ARHGAP27: variants seen among roughly 807,000 people sequenced by gnomAD.
ARHGAP27 encodes the protein Rho GTPase activating protein 27.
In ARHGAP27, 53 loss-of-function variants were observed where a neutral mutation model predicts 102.0. The observed-to-expected ratio is 0.52, with a 90% confidence interval of 0.42 to 0.65. ARHGAP27 has a LOEUF of 0.65. Among genes scored for constraint, ARHGAP27 ranks in the 30% least tolerant of loss-of-function variants. The pLI, the probability that ARHGAP27 is intolerant of heterozygous loss-of-function variation, is 0.00. For missense variants in ARHGAP27, 1,117 were observed against 1,256.2 expected, an observed-to-expected ratio of 0.89 and a Z score of 1.68; for synonymous variants, 525 against 542.8, an observed-to-expected ratio of 0.97 and a Z score of 0.46.
chr17:45,402,738 T>C lies in ARHGAP27; in HGVS notation c.1719A>G (p.Lys573=). The C allele has an allele frequency of 6.2e-7, 1 of 1,613,046 alleles. No individual in the cohort carries two copies. The highest frequency in any genetic ancestry group is 8.5e-7 in the Non-Finnish European group (1 of 1,179,198). The change falls in exon 12 of 20, where the codon AAA becomes AAG. Residue 573 remains lysine, a synonymous_variant. Transcript: ENST00000685559. The part of the protein sequence containing the change: ...GATLSWAPKD[K]SSRKNVLELR... ...CCTCCAGCACATTCTTCCTACTGGA[T>C]TTGTCTTTGGGGGCCCAGGAGAGAG...
At chr17:45,425,750 C>T (rs2049535774) in intron 4 of ARHGAP27, 4 of 558,610 alleles carry the variant, frequency 7.2e-6, no homozygotes, top group Non-Finnish European at 9.1e-6. Flanking sequence ...CTGCCTGGGC[C>T]TTCCCACCTC....
chr17:45,430,101 G>C lies in ARHGAP27; in HGVS notation c.179C>G (p.Pro60Arg). 6.6e-7 allele frequency: 1 copy of C among 1,512,260 alleles called. No individual in the cohort carries two copies. Among genetic ancestry groups the C allele is most frequent in the Non-Finnish European group, 8.8e-7 (1 of 1,137,612 alleles). 93.7% of individuals were successfully genotyped at this position (1,512,260 alleles called of 1,614,324 possible). A position where few individuals can be genotyped will look rare whatever the true frequency, so the allele number is the denominator to read the frequency against. ...GGGCAGCTCGCGCACGTACTGCGCA[G>C]GCAGGTAGAAGGGGCGGCCGCCGGG... ...REPGGRPFYL[P>R]AQYVRELPAL... Residue 60 changes from proline (P) to arginine (R), a missense_variant, in exon 4 of 20, where the codon CCT (proline) becomes CGT (arginine). Physicochemically the swap from Pro to Arg is moderately radical, Grantham distance 103. Coordinates refer to ENST00000685559, the MANE Select transcript of ARHGAP27 (RefSeq NM_001282290.2). The surrounding 1 kb of genome is among the most constrained non-coding windows in gnomAD (Gnocchi z 4.4).
chr17:45,409,306 G>C (rs193222486), intron 4 of ARHGAP27: 1 of 152,312 alleles, frequency 6.6e-6, no homozygotes, highest in African/African-American at 2.4e-5. Flanking sequence ...CTGGGTCCAC[G>C]AGGAGTCCCA....
chr17:45,406,023 G>A lies in ARHGAP27; in HGVS notation c.718C>T (p.Pro240Ser), dbSNP rs2047122698. The A allele has an allele frequency of 6.5e-7, 1 of 1,534,748 alleles. No individual in the cohort carries two copies. Among genetic ancestry groups the A allele is most frequent in the Admixed American group, 2.0e-5 (1 of 50,918 alleles). Residue 240 changes from proline (P) to serine (S), a missense_variant, in exon 5 of 20, where the codon CCG (proline) becomes TCG (serine). By Grantham distance (74) the Pro-to-Ser change is moderately conservative. Coordinates refer to ENST00000685559, the MANE Select transcript of ARHGAP27 (RefSeq NM_001282290.2). ...NIERQPRATS[P>S]GAAAAPLPSP... ...GGAAGGGGGGCTGCAGCGGCGCCCG[G>A]TGAAGTGGCCCGGGGCTGCCTCTCT...
intron 4 of ARHGAP27, among the ~76,000 whole-genome samples, chr17:45,411,752 T>C (rs1162745856): frequency 6.6e-6 from 1 of 151,988 alleles, no homozygotes; most frequent in Non-Finnish European, 1.5e-5. Context: ...ATCACACACC[T>C]GACCCATCTC....
chr17:45,404,773 G>C (rs1019721458), intron 6 of ARHGAP27, 92 bp from the exon 7 acceptor site: 2 of 1,501,638 alleles, frequency 1.3e-6, no homozygotes, highest in Non-Finnish European at 1.8e-6. Flanking sequence ...CAGCACCAGG[G>C]AGTCTGGAGG....
At chr17:45,412,484 G>A (rs2048024170) in intron 4 of ARHGAP27, among the ~76,000 whole-genome samples, 1 of 152,182 alleles carries the variant, frequency 6.6e-6, no homozygotes, top group Non-Finnish European at 1.5e-5. Flanking sequence ...CAGTCCTCTG[G>A]GGCTAGAGGC....
Position 45,396,918 on chromosome 17 carries a change from G to C in ARHGAP27, c.1949C>G (p.Ala650Gly). The C allele has an allele frequency of 6.2e-7, 1 of 1,606,448 alleles. No homozygotes were observed. Among genetic ancestry groups the C allele is most frequent in the South Asian group, 1.1e-5 (1 of 91,078 alleles). Residue 650 changes from alanine to glycine, a missense_variant and splice_region_variant, in exon 14 of 20, where the codon GCA becomes GGA. Ala to Gly is a moderately conservative substitution (Grantham distance 60). Coordinates refer to ENST00000685559, the MANE Select transcript of ARHGAP27 (RefSeq NM_001282290.2). ...QEKEEDARPN[A>G]AAPALGPVGL... ...ACCCCATCCTGCCTTGCGCACACCT[G>C]CATTCGGTCGCGCGTCCTCCTCTTT...
intron 13 of ARHGAP27, chr17:45,397,458 C>T: frequency 3.3e-6 from 1 of 302,302 alleles, no homozygotes; most frequent in Non-Finnish European, 5.3e-6. Context: ...TCTATTAATA[C>T]AGCCAAAAGC....
intron 4 of ARHGAP27, chr17:45,425,732 A>T: frequency 1.3e-6 from 1 of 761,154 alleles, no homozygotes; most frequent in Non-Finnish European, 1.6e-6. Context: ...GCTCCAGGCC[A>T]GCTCCACCTG....
At chr17:45,426,036 G>A (rs879898633) in intron 4 of ARHGAP27, among the ~76,000 whole-genome samples, 3 of 152,132 alleles carry the variant, frequency 2.0e-5, no homozygotes, top group Non-Finnish European at 4.4e-5. Context: ...CACGCAGGAC[G>A]CTCAGAAGAA....
At chr17:45,404,410 T>A (rs1450587913) in intron 8 of ARHGAP27, 35 bp downstream of exon 8, 1 of 1,613,678 alleles carries the variant, frequency 6.2e-7, no homozygotes, top group Non-Finnish European at 8.5e-7. Context: ...GCTTCTGTGG[T>A]GGTCCTGCCA....
At chr17:45,420,498 A>G (rs2048920490) in intron 4 of ARHGAP27, among the ~76,000 whole-genome samples, 1 of 152,162 alleles carries the variant, frequency 6.6e-6, no homozygotes, top group African/African-American at 2.4e-5. Flanking sequence ...TGACATTTTT[A>G]CTATAGACTT....
intron 16 of ARHGAP27, 81 bp from the exon 17 acceptor site, chr17:45,396,365 C>T (rs2045662816): frequency 1.4e-6 from 2 of 1,480,302 alleles, no homozygotes; most frequent in East Asian, 2.4e-5. Flanking sequence ...GACTCCCACT[C>T]GGGGCCTCCC....
chr17:45,395,573 C>T lies in ARHGAP27; in HGVS notation c.2553G>A (p.Gly851=), dbSNP rs1256844514. 2 of 1,605,724 alleles carry T rather than the reference C, an allele frequency of 1.2e-6. No homozygotes were observed. Among genetic ancestry groups the T allele is most frequent in the South Asian group, 1.1e-5 (1 of 89,268 alleles). ...MSVQSVAIVF[G]PTLLRPEVEE... ...CCACCTCGGGCCGCAGCAGCGTGGGCCCGAACACAATGGCCACGCTCTGCA... is the reference window on the plus strand; with the variant it reads ...CCACCTCGGGCCGCAGCAGCGTGGGTCCGAACACAATGGCCACGCTCTGCA... Residue 851 remains glycine, a synonymous_variant, in exon 20 of 20, where the codon GGG becomes GGA. Coordinates refer to ENST00000685559, the MANE Select transcript of ARHGAP27 (RefSeq NM_001282290.2).
intron 4 of ARHGAP27, among the ~76,000 whole-genome samples, chr17:45,419,512 G>GTATGTATATGTA (rs1325033004): frequency 3.3e-5 from 4 of 119,764 alleles, no homozygotes; most frequent in African/African-American, 1.4e-4. Context: ...TATGCTGTAT[G>GTATGTATATGTA]TATATATATA....
rs570908232 is a variant in ARHGAP27 at position 45,430,684 on chromosome 17, T to C, written c.-18-387A>G. On this transcript the variant is annotated intron_variant, in intron 3 of 19. Transcript: ENST00000685559. This position sits in a 1 kb window ranked among gnomAD's most constrained non-coding sequence, Gnocchi z 4.4. ...TTAATAGTTGACTGCGCCTTAGTTT[T>C]CCGTCAGTCAAGTAGGAAGAACACC... 1.4e-3 allele frequency among the ~76,000 whole-genome samples: 217 copies of C among 152,300 alleles called. No homozygotes were observed. Among genetic ancestry groups the C allele is most frequent in the African/African-American group, 5.1e-3 (211 of 41,550 alleles).
Position 45,404,971 on chromosome 17 carries a change from T to A in ARHGAP27, c.1201A>T (p.Ser401Cys). 1.1e-5 allele frequency: 18 copies of A among 1,613,946 alleles called. No individual in the cohort carries two copies. The highest frequency in any genetic ancestry group is 1.5e-5 in the Non-Finnish European group (18 of 1,179,950). Residue 401 changes from serine to cysteine, a missense_variant, in exon 6 of 20, where the codon AGC becomes TGC. Transcript: ENST00000685559. Reference sequence around the variant, plus strand: ...GTGTAGAGCATCTGCTTGTCCTGGCTGACATGACAAGACCAGCCGGGGGGT... The same window carrying A: ...GTGTAGAGCATCTGCTTGTCCTGGCAGACATGACAAGACCAGCCGGGGGGT... The part of the protein sequence containing the change: ...TTPPGWSCHV[S>C]QDKQMLYTNH...
In ARHGAP27 at chr17:45,431,664, G is replaced by A. The variant is rs2050065923; in HGVS notation, c.-62C>T. 5.7e-6 allele frequency: 1 copy of A among 175,864 alleles called. No individual in the cohort carries two copies. The highest frequency in any genetic ancestry group is 6.4e-5 in the Admixed American group (1 of 15,628). The allele number at this position is 175,864 out of a possible 1,614,324, so 10.9% of individuals were successfully genotyped here. On this transcript the variant is annotated 5_prime_UTR_variant, in exon 3 of 20. Coordinates refer to ENST00000685559, the MANE Select transcript of ARHGAP27 (RefSeq NM_001282290.2). ...AGGGAGCCCATGGGCTGGGTGGGCG[G>A]AGCCGGCGGTGGCTGCAGGTTAGGC...
Sources: gnomAD v4.1 joint callset for allele counts (sites outside exome capture counted in the v4.1 genomes callset) on GRCh38, gnomAD v4.1.1 for gene constraint, Gnocchi (gnomAD v3.1) non-coding constraint, MANE v1.5 for transcripts, NCBI Gene and HGNC (gene_info 2026-07-23, HGNC 2026-07-21) for gene names.